The following CCSER2 variants were observed in gnomAD, a reference collection of about 807,000 sequenced individuals.
CCSER2 encodes the protein coiled-coil serine rich protein 2.
In CCSER2, 46 loss-of-function variants were observed where a neutral mutation model predicts 92.3. The ratio of observed to expected loss-of-function variants is 0.50; its 90% confidence interval spans 0.39 to 0.64. The LOEUF is 0.64. Among genes scored for constraint, CCSER2 ranks in the 30% least tolerant of loss-of-function variants. The probability of loss-of-function intolerance (pLI) is 0.00; values close to 1 mark genes in which losing one functional copy is unlikely to be tolerated. For missense variants in CCSER2, 1,244 were observed against 1,238.9 expected (o/e 1.00, Z -0.06); for synonymous variants, 433 against 431.4 (o/e 1.00, Z -0.04).
intron 3 of CCSER2, among the ~76,000 whole-genome samples, chr10:84,396,185 C>G (rs1405021529): frequency 6.9e-6 from 1 of 145,750 alleles, no homozygotes; most frequent in African/African-American, 2.5e-5. Flanking sequence ...TTATTCAACA[C>G]TGTGTGTGTG....
At chr10:84,392,316 C>CAAAAAA (rs71473611) in intron 3 of CCSER2, among the ~76,000 whole-genome samples, 14 of 53,846 alleles carry the variant, frequency 2.6e-4, no homozygotes, top group East Asian at 5.7e-4. Flanking sequence ...TCTGAAGAAG[C>CAAAAAA]AAAAAAAAAA....
chr10:84,430,049 ATGGT>A lies in CCSER2; in HGVS notation c.1868+4160_1868+4163del, dbSNP rs1843678727. Among the ~76,000 whole-genome samples, 3 of 151,958 alleles carry A rather than the reference ATGGT, an allele frequency of 2.0e-5. No homozygotes were observed. In the South Asian group the frequency reaches 6.2e-4, roughly 32 times the overall value. ...GCTTGGTTTGATTAGTGGTCAGCTA[ATGGT>A]TGGATGGAGATTTCATTGAATGCCT... On this transcript the variant is annotated intron_variant, in intron 5 of 9. Transcript: ENST00000372088.
At chr10:84,329,455 T>A (rs1357156221) in intron 1 of CCSER2, among the ~76,000 whole-genome samples, 1 of 152,212 alleles carries the variant, frequency 6.6e-6, no homozygotes, top group Non-Finnish European at 1.5e-5. Flanking sequence ...CCAATGAGGC[T>A]GGCTGCTCCC....
intron 1 of CCSER2, among the ~76,000 whole-genome samples, chr10:84,336,889 G>A (rs1359002480): frequency 6.6e-6 from 1 of 152,180 alleles, no homozygotes; most frequent in Non-Finnish European, 1.5e-5. Context: ...CCCACATTTT[G>A]TATACATTTT....
chr10:84,354,345 T>C (rs1376011396), intron 1 of CCSER2, among the ~76,000 whole-genome samples: 2 of 152,144 alleles, frequency 1.3e-5, no homozygotes, highest in Non-Finnish European at 1.5e-5. Context: ...GTCAGGTTTC[T>C]GTCCTCATCT....
chr10:84,412,084 T>C (rs1842680535), intron 3 of CCSER2, among the ~76,000 whole-genome samples: 1 of 152,236 alleles, frequency 6.6e-6, no homozygotes, highest in Non-Finnish European at 1.5e-5. Flanking sequence ...TTTTTGTCTT[T>C]AGTTTTGTTT....
chr10:84,490,971 A>T (rs1296729207), intron 9 of CCSER2, among the ~76,000 whole-genome samples: 2 of 152,206 alleles, frequency 1.3e-5, no homozygotes, highest in Admixed American at 1.3e-4. Flanking sequence ...CAGGACCCTC[A>T]GCTGCAGGTC....
intron 3 of CCSER2, among the ~76,000 whole-genome samples, chr10:84,382,214 A>G (rs1840951736): frequency 1.3e-5 from 2 of 152,166 alleles, no homozygotes; most frequent in Non-Finnish European, 2.9e-5. Context: ...ACAGGTACTG[A>G]TATGAAGTTA....
intron 3 of CCSER2, among the ~76,000 whole-genome samples, chr10:84,388,373 A>G (rs576142190): frequency 2.6e-5 from 4 of 152,142 alleles, no homozygotes; most frequent in Non-Finnish European, 4.4e-5. Flanking sequence ...CTGTGAATAC[A>G]TAGCCTTTTT....
chr10:84,475,201 A>G (rs761851963), intron 8 of CCSER2, among the ~76,000 whole-genome samples: 1 of 145,040 alleles, frequency 6.9e-6, no homozygotes, highest in Non-Finnish European at 1.5e-5. Flanking sequence ...GAGGAATGGG[A>G]TTAATCACAT....
intron 9 of CCSER2, among the ~76,000 whole-genome samples, chr10:84,512,389 T>A (rs879733059): frequency 0.081 from 9,146 of 113,578 alleles, 455 homozygotes; most frequent in Admixed American, 0.14. Flanking sequence ...TGTGTGTGTG[T>A]GTGTGTGAGA....
chr10:84,492,858 A>C lies in CCSER2; in HGVS notation c.2325+15194A>C, dbSNP rs563596241. On this transcript the variant is annotated intron_variant, in intron 9 of 9. Coordinates refer to ENST00000372088, the MANE Select transcript of CCSER2 (RefSeq NM_001284240.2). Reference sequence around the variant, plus strand: ...TATATATTCCTGAATTCTAGTTAGTAGTATTTTGTTAAAGATTTTTACATC... The same window carrying C: ...TATATATTCCTGAATTCTAGTTAGTCGTATTTTGTTAAAGATTTTTACATC... Among the ~76,000 whole-genome samples, 23 of 152,214 alleles carry C rather than the reference A, an allele frequency of 1.5e-4. 1 individual carries two copies. The South Asian group carries it at 4.6e-3, about 30-fold the overall frequency.
In CCSER2 at chr10:84,516,503, C is replaced by T. The variant is rs180988737; in HGVS notation, c.*2236C>T. ...GCAAATATGTGAATCATACTATATT[C>T]CCCTAAAGTAAAACCAGTGACTTAG... On this transcript the variant is annotated 3_prime_UTR_variant, in exon 10 of 10. Transcript: ENST00000372088. The T allele has an allele frequency of 1.7e-4, 26 of 152,248 alleles. No individual in the cohort carries two copies. The East Asian group carries it at 5.0e-3, about 29-fold the overall frequency. The allele number at this position is 152,248 out of a possible 1,614,324, so 9.4% of individuals were successfully genotyped here.
rs542596784 is a variant in CCSER2, at chr10:84,496,444, C to T, written c.2326-17005C>T. Reference sequence around the variant, plus strand: ...GGGACTACAGGCGCCCGCCACCACGCCCGGCTAATTTTTTGTATTTTTAGT... The same window carrying T: ...GGGACTACAGGCGCCCGCCACCACGTCCGGCTAATTTTTTGTATTTTTAGT... On this transcript the variant is annotated intron_variant, in intron 9 of 9. Coordinates refer to ENST00000372088, the MANE Select transcript of CCSER2 (RefSeq NM_001284240.2). 2.4e-4 allele frequency among the ~76,000 whole-genome samples: 37 copies of T among 152,282 alleles called. 2 individuals carry two copies. Among genetic ancestry groups the T allele is most frequent in the Middle Eastern group, 3.4e-3 (1 of 294 alleles).
intron 6 of CCSER2, among the ~76,000 whole-genome samples, chr10:84,462,278 GTTGTT>G (rs1846143431): frequency 6.6e-6 from 1 of 152,128 alleles, no homozygotes; most frequent in Non-Finnish European, 1.5e-5. Context: ...CCTTAATGCT[GTTGTT>G]TTATTTTTTC....
intron 9 of CCSER2, among the ~76,000 whole-genome samples, chr10:84,511,214 G>A (rs1849331771): frequency 6.6e-6 from 1 of 152,044 alleles, no homozygotes; most frequent in South Asian, 2.1e-4. Flanking sequence ...ATTAATATTT[G>A]ATATGAAGCT....
chr10:84,476,702 C>A (rs1847171003), intron 8 of CCSER2, among the ~76,000 whole-genome samples: 2 of 152,100 alleles, frequency 1.3e-5, no homozygotes, highest in Non-Finnish European at 2.9e-5. Context: ...CTCGGCCTCC[C>A]AAAGTGCTGG....
At chr10:84,394,385 A>ATGTGTGTGTGTG (rs60891669) in intron 3 of CCSER2, among the ~76,000 whole-genome samples, 1,645 of 132,660 alleles carry the variant, frequency 0.012, 16 homozygotes, top group South Asian at 0.031. Context: ...AAAGGAAAGT[A>ATGTGTGTGTGTG]TGTGTGTGTG....
intron 1 of CCSER2, among the ~76,000 whole-genome samples, chr10:84,366,144 A>G (rs1349193382): frequency 6.6e-6 from 1 of 152,070 alleles, no homozygotes; most frequent in African/African-American, 2.4e-5. Flanking sequence ...AGGTCTCACT[A>G]TGTTGCTCAG....
Sources: gnomAD v4.1 joint callset for allele counts (sites outside exome capture counted in the v4.1 genomes callset) on GRCh38, gnomAD v4.1.1 for gene constraint, MANE v1.5 for transcripts, NCBI Gene and HGNC (gene_info 2026-07-23, HGNC 2026-07-21) for gene names.